ADCY2: variants seen among roughly 807,000 people sequenced by gnomAD.
The protein encoded by ADCY2 is adenylate cyclase type 2.
A neutral mutation model predicts 125.2 loss-of-function variants in ADCY2; 31 were observed. The observed-to-expected ratio is 0.25, with a 90% CI of 0.19 to 0.33. The LOEUF (loss-of-function observed/expected upper bound fraction) is 0.33. ADCY2 is among the 10% of genes least tolerant of loss of function. ADCY2 has a pLI of 1.00. For synonymous variants in ADCY2, 512 were observed against 548.4 expected (o/e 0.93, Z 0.93); for missense variants, 904 against 1,418.2 (o/e 0.64, Z 5.82).
chr5:7,743,262 T>C (rs1324278838), intron 14 of ADCY2, among the ~76,000 whole-genome samples: 1 of 151,934 alleles, frequency 6.6e-6, no homozygotes, highest in Non-Finnish European at 1.5e-5. Flanking sequence ...AGGGTGGAAC[T>C]TGAGGACTTC....
At chr5:7,788,049 T>C (rs1198800188) in intron 19 of ADCY2, among the ~76,000 whole-genome samples, 2 of 152,254 alleles carry the variant, frequency 1.3e-5, no homozygotes, top group African/African-American at 4.8e-5. Context: ...GATTTATTTT[T>C]TTTTTTAAAT....
chr5:7,661,542 A>C (rs150152269), intron 4 of ADCY2, among the ~76,000 whole-genome samples: 72 of 152,338 alleles, frequency 4.7e-4, no homozygotes, highest in African/African-American at 1.6e-3. Context: ...GCAATCAAAT[A>C]CTTGTTACAA....
chr5:7,522,928 A>G (rs1744509125), intron 3 of ADCY2, among the ~76,000 whole-genome samples: 1 of 150,740 alleles, frequency 6.6e-6, no homozygotes, highest in African/African-American at 2.4e-5. Context: ...TCCGTCTCAA[A>G]AAAAAAACAA....
intron 2 of ADCY2, among the ~76,000 whole-genome samples, chr5:7,416,664 A>T (rs1409662716): frequency 6.6e-6 from 1 of 152,220 alleles, no homozygotes; most frequent in Non-Finnish European, 1.5e-5. Context: ...TCAATATAAA[A>T]ACAATAGTAT....
intron 2 of ADCY2, among the ~76,000 whole-genome samples, chr5:7,461,478 A>G (rs1741917002): frequency 6.6e-6 from 1 of 152,246 alleles, no homozygotes; most frequent in Non-Finnish European, 1.5e-5. Flanking sequence ...ATAATTGAGT[A>G]TAATATTCTG....
chr5:7,603,810 C>A (rs200620212), intron 3 of ADCY2, among the ~76,000 whole-genome samples: 9 of 60,414 alleles, frequency 1.5e-4, no homozygotes, highest in East Asian at 6.0e-4. Context: ...TTTTTTTTTT[C>A]TTTTGTTTTT....
chr5:7,790,745 A>G (rs116787846), intron 20 of ADCY2, among the ~76,000 whole-genome samples: 191 of 152,292 alleles, frequency 1.3e-3, no homozygotes, highest in Non-Finnish European at 1.5e-3. Context: ...TCCCAAAGAG[A>G]GTTTTGAAGA....
In ADCY2 at chr5:7,398,947, G is replaced by C. The variant is rs376351699; in HGVS notation, c.210+2441G>C. 7.9e-5 allele frequency among the ~76,000 whole-genome samples: 12 copies of C among 152,318 alleles called. No individual in the cohort carries two copies. The East Asian group carries it at 2.3e-3, about 29-fold the overall frequency. On this transcript the variant is annotated intron_variant, in intron 1 of 24. Transcript: ENST00000338316. ...AGCGATGGCTGGGGTAGGAACATTT[G>C]AAGGTAGAATAGGGCTAAGGTAAAG...
At chr5:7,465,141 G>A (rs1809715) in intron 2 of ADCY2, among the ~76,000 whole-genome samples, 30,039 of 152,110 alleles carry the variant, frequency 0.2, 3,063 homozygotes, top group East Asian at 0.38. Flanking sequence ...CCCACAACAC[G>A]TGGGAATTAT....
intron 3 of ADCY2, among the ~76,000 whole-genome samples, chr5:7,549,595 C>T (rs1735259702): frequency 6.6e-6 from 1 of 152,232 alleles, no homozygotes; most frequent in South Asian, 2.1e-4. Context: ...CTGATCTTGG[C>T]TTCACCACCA....
At chr5:7,677,226 C>T (rs895068958) in intron 4 of ADCY2, among the ~76,000 whole-genome samples, 9 of 151,798 alleles carry the variant, frequency 5.9e-5, no homozygotes, top group South Asian at 2.1e-4. Flanking sequence ...TGCAGTGAGC[C>T]GAGATCACGC....
At chr5:7,699,927 A>T (rs1741026728) in intron 7 of ADCY2, among the ~76,000 whole-genome samples, 1 of 152,182 alleles carries the variant, frequency 6.6e-6, no homozygotes, top group African/African-American at 2.4e-5. Context: ...AGTGAAACTG[A>T]GTTGGAAATC....
At chr5:7,772,104 C>T (rs992706361) in intron 17 of ADCY2, among the ~76,000 whole-genome samples, 1 of 152,158 alleles carries the variant, frequency 6.6e-6, no homozygotes, top group Non-Finnish European at 1.5e-5. Context: ...AATATGATTA[C>T]CCTCATTTTA....
At chr5:7,482,910 G>A (rs746067999) in intron 2 of ADCY2, among the ~76,000 whole-genome samples, 19 of 151,564 alleles carry the variant, frequency 1.3e-4, no homozygotes, top group Admixed American at 3.9e-4. Context: ...GACATAAGCC[G>A]GGCACAGAAA....
At chr5:7,659,028 G>A (rs1224068745) in intron 4 of ADCY2, among the ~76,000 whole-genome samples, 3 of 152,080 alleles carry the variant, frequency 2.0e-5, no homozygotes, top group South Asian at 2.1e-4. Flanking sequence ...AACTTAACAC[G>A]TAAAATTTAC....
At chr5:7,432,900 A>ATGTACTGCTTATTGTACGTGT (rs11271369) in intron 2 of ADCY2, among the ~76,000 whole-genome samples, 1 of 151,422 alleles carries the variant, frequency 6.6e-6, no homozygotes, top group African/African-American at 2.4e-5. Context: ...CAATTTCAAC[A>ATGTACTGCTTATTGTACGTGT]TGTACTGCTT....
At chr5:7,496,788 A>C (rs894575728) in intron 2 of ADCY2, among the ~76,000 whole-genome samples, 1 of 152,172 alleles carries the variant, frequency 6.6e-6, no homozygotes, top group Non-Finnish European at 1.5e-5. Flanking sequence ...TATATAAGGA[A>C]CAAAAAGTTA....
intron 2 of ADCY2, among the ~76,000 whole-genome samples, chr5:7,427,092 C>T (rs28712823): frequency 0.24 from 36,424 of 152,084 alleles, 5,167 homozygotes; most frequent in Non-Finnish European, 0.32. Context: ...ATGCTCCCTC[C>T]GAAATCCTGG....
intron 3 of ADCY2, among the ~76,000 whole-genome samples, chr5:7,602,260 C>T (rs1737238170): frequency 6.6e-6 from 1 of 152,226 alleles, no homozygotes; most frequent in South Asian, 2.1e-4. Flanking sequence ...ATTCAAACCA[C>T]TACAATCAAA....
Sources: gnomAD v4.1 joint callset for allele counts (sites outside exome capture counted in the v4.1 genomes callset) on GRCh38, gnomAD v4.1.1 for gene constraint, MANE v1.5 for transcripts, NCBI Gene and HGNC (gene_info 2026-07-23, HGNC 2026-07-21) for gene names.